The following DHRSX variants were observed in gnomAD, a reference collection of about 807,000 sequenced individuals.
DHRSX encodes the protein dehydrogenase/reductase X-linked, also known as polyprenol dehydrogenase.
DHRSX carries 31 observed loss-of-function variants against 34.0 expected under a neutral mutation model. The ratio of observed to expected loss-of-function variants is 0.91; its 90% confidence interval spans 0.69 to 1.23. The LOEUF is 1.23. Ranked by LOEUF, DHRSX falls within the 50% of genes most tolerant of loss-of-function variation. The pLI is 0.00. For missense variants in DHRSX, 414 were observed against 428.1 expected (o/e 0.97, Z 0.29); for synonymous variants, 201 against 183.8 (o/e 1.09, Z -0.76).
intron 2 of DHRSX, among the ~76,000 whole-genome samples, chrX:2,420,464 G>T (rs1010969121): frequency 2.6e-5 from 4 of 151,050 alleles, no homozygotes; most frequent in Admixed American, 1.3e-4. Context: ...AGAGAATGGG[G>T]CCGGGCACAG....
chrX:2,267,641 C>T (rs570667410), intron 4 of DHRSX, among the ~76,000 whole-genome samples: 15 of 152,072 alleles, frequency 9.9e-5, no homozygotes, highest in African/African-American at 3.6e-4. Flanking sequence ...AACAGAGTCC[C>T]CTGGACAATT....
At chrX:2,496,714 A>C (rs1323209895) in intron 1 of DHRSX, among the ~76,000 whole-genome samples, 1 of 152,060 alleles carries the variant, frequency 6.6e-6, no homozygotes, top group Non-Finnish European at 1.5e-5. Flanking sequence ...TATTAGTTTA[A>C]TTATTCCACA....
At chrX:2,467,883 C>A (rs1170867071) in intron 1 of DHRSX, among the ~76,000 whole-genome samples, 1 of 151,500 alleles carries the variant, frequency 6.6e-6, no homozygotes, top group African/African-American at 2.4e-5. Context: ...ATCGCTTGAA[C>A]CCAGGAGGCG....
At position 2,272,054 on chromosome X, in the gene DHRSX, C is replaced by A. The variant is rs763981479; in HGVS notation, c.389-5107G>T. On this transcript the variant is annotated intron_variant, in intron 4 of 6. Transcript: ENST00000334651. ...AGACAAAACGAAACAAAAAAACATA[C>A]CTGCACCTGTCTGTTTCTTGCAGCA... Among the ~76,000 whole-genome samples, 4 of 151,926 alleles carry A rather than the reference C, an allele frequency of 2.6e-5. No individual in the cohort carries two copies. The East Asian group carries it at 7.8e-4, about 29-fold the overall frequency.
At chrX:2,302,766 AAAT>A (rs1233216291) in intron 3 of DHRSX, among the ~76,000 whole-genome samples, 2 of 152,192 alleles carry the variant, frequency 1.3e-5, no homozygotes, top group Non-Finnish European at 2.9e-5. Context: ...GAAACTTAAA[AAAT>A]AATGACAGTC....
rs993191556 is a variant in DHRSX at position 2,467,427 on chromosome X, C to T, written c.109+33390G>A. 4.6e-5 allele frequency among the ~76,000 whole-genome samples: 7 copies of T among 152,128 alleles called. No individual in the cohort carries two copies. The East Asian group carries it at 7.7e-4, about 17-fold the overall frequency. On this transcript the variant is annotated intron_variant, in intron 1 of 6. Coordinates refer to ENST00000334651, the MANE Select transcript of DHRSX (RefSeq NM_145177.3). The stretch of plus-strand genomic sequence containing the variant: ...AGCATCCTCACCAGCCTCAGGAACG[C>T]GGCACAGTCAGCTCTCCACACGGGT...
intron 5 of DHRSX, among the ~76,000 whole-genome samples, chrX:2,259,616 A>C (rs1486021048): frequency 2.0e-5 from 3 of 152,140 alleles, no homozygotes; most frequent in African/African-American, 7.2e-5. Flanking sequence ...AAATTCATCC[A>C]GTGAAGTGAT....
At chrX:2,436,940 TCTC>T (rs1202640287) in intron 1 of DHRSX, among the ~76,000 whole-genome samples, 6 of 152,018 alleles carry the variant, frequency 3.9e-5, no homozygotes, top group Admixed American at 3.9e-4. Context: ...CCCACCGTCA[TCTC>T]CTCCATCAAA....
intron 6 of DHRSX, among the ~76,000 whole-genome samples, chrX:2,231,682 T>TCTC (rs371662921): frequency 0.024 from 3,611 of 150,660 alleles, 86 homozygotes; most frequent in African/African-American, 0.056. Context: ...TCTCCTCTTT[T>TCTC]CTCTTCTTGC....
intron 5 of DHRSX, among the ~76,000 whole-genome samples, chrX:2,257,811 G>A (rs1046150687): frequency 1.2e-4 from 18 of 152,080 alleles, no homozygotes; most frequent in Non-Finnish European, 2.4e-4. Flanking sequence ...TTTTTAAGTA[G>A]AGACGGGGTT....
chrX:2,439,283 G>A (rs931105581), intron 1 of DHRSX, among the ~76,000 whole-genome samples: 1 of 152,062 alleles, frequency 6.6e-6, no homozygotes, highest in Non-Finnish European at 1.5e-5. Flanking sequence ...GGACTGCAGA[G>A]GAAAGAGAGG....
intron 1 of DHRSX, among the ~76,000 whole-genome samples, chrX:2,442,735 T>C (rs768259282): frequency 6.6e-6 from 1 of 152,224 alleles, no homozygotes; most frequent in African/African-American, 2.4e-5. Flanking sequence ...AATTGAGACA[T>C]CTGAGATGAA....
At chrX:2,410,486 T>A (rs1208717300) in intron 2 of DHRSX, among the ~76,000 whole-genome samples, 8 of 152,184 alleles carry the variant, frequency 5.3e-5, no homozygotes. Flanking sequence ...TACAGCACCG[T>A]CCCCGGGTCT....
At chrX:2,240,163 G>A (rs1276953342) in intron 6 of DHRSX, among the ~76,000 whole-genome samples, 1 of 151,966 alleles carries the variant, frequency 6.6e-6, no homozygotes, top group Admixed American at 6.6e-5. Flanking sequence ...CTTGATGGCA[G>A]GTGCCTGCAG....
intron 1 of DHRSX, among the ~76,000 whole-genome samples, chrX:2,431,481 T>C (rs1236321220): frequency 6.6e-6 from 1 of 152,180 alleles, no homozygotes; most frequent in African/African-American, 2.4e-5. Context: ...TACTTTCCCT[T>C]GGGTAGATAC....
intron 6 of DHRSX, among the ~76,000 whole-genome samples, chrX:2,225,824 C>T (rs34380217): frequency 0.39 from 59,154 of 150,894 alleles, 12,773 homozygotes; most frequent in Non-Finnish European, 0.52. Context: ...AGACTTCCAG[C>T]CTCCAGGACT....
chrX:2,384,965 A>T (rs1007172442), intron 3 of DHRSX, among the ~76,000 whole-genome samples: 19 of 151,358 alleles, frequency 1.3e-4, no homozygotes. Flanking sequence ...ATATATATAC[A>T]TTTGCTGCGC....
chrX:2,481,338 T>G lies in DHRSX; in HGVS notation c.109+19479A>C, dbSNP rs751308793. Among the ~76,000 whole-genome samples the G allele has an allele frequency of 3.7e-4, 56 of 152,244 alleles. No homozygotes were observed. The South Asian group carries it at 0.011, about 30-fold the overall frequency. ...ACCATGACACAAGGGGCTCCAAGTT[T>G]CCAAGGAAAGGATTCCAGTTATGTG... On this transcript the variant is annotated intron_variant, in intron 1 of 6. Transcript: ENST00000334651.
chrX:2,490,854 C>T, intron 1 of DHRSX: 6 of 1,289,616 alleles, frequency 4.7e-6, no homozygotes, highest in South Asian at 4.3e-5. Flanking sequence ...GACAGGGTGC[C>T]GGGGCAGCTC....
Sources: allele counts gnomAD v4.1 joint callset (sites outside exome capture counted in the v4.1 genomes callset), GRCh38; gene constraint gnomAD v4.1.1; transcripts MANE v1.5; gene names NCBI Gene and HGNC (gene_info 2026-07-23, HGNC 2026-07-21).